RAD51B: variants seen among roughly 807,000 people sequenced by gnomAD.
RAD51B encodes the protein DNA repair protein RAD51 homolog 2.
Under a neutral mutation model 42.2 loss-of-function variants are expected in RAD51B, and 38 were observed. The observed-to-expected ratio is 0.90, with a 90% confidence interval of 0.70 to 1.18. The LOEUF (loss-of-function observed/expected upper bound fraction) is 1.18, where lower values mean the gene tolerates loss of function less well. Among genes scored for constraint, RAD51B ranks in the 50% most tolerant of loss-of-function variants. The pLI, the probability that RAD51B is intolerant of heterozygous loss-of-function variation, is 0.00. For synonymous variants in RAD51B, 154 were observed against 145.2 expected (o/e 1.06, Z -0.43); for missense variants, 373 against 400.7 (o/e 0.93, Z 0.59).
chr14:68,077,086 G>A (rs1309042540), intron 7 of RAD51B, among the ~76,000 whole-genome samples: 1 of 152,180 alleles, frequency 6.6e-6, no homozygotes, highest in Non-Finnish European at 1.5e-5. Context: ...TCATATAACA[G>A]CAACAGGGTT....
In RAD51B at chr14:68,465,951, A is replaced by AAAATAAAT. The variant is rs201431600; in HGVS notation, c.958-2184_958-2177dup. 4.3e-4 allele frequency among the ~76,000 whole-genome samples: 39 copies of AAAATAAAT among 90,464 alleles called. 1 individual carries two copies. The highest frequency in any genetic ancestry group is 5.6e-4 in the Non-Finnish European group (20 of 35,764). The allele number at this position is 90,464 out of a possible 152,430, so 59.3% of individuals were successfully genotyped here. ...GCTAGACTCTGTCTCAAAAAAAAAA[A>AAAATAAAT]AAATAAATAAATAAATAAATAAATA... On this transcript the variant is annotated intron_variant, in intron 9 of 10. Coordinates refer to ENST00000471583, the MANE Select transcript of RAD51B (RefSeq NM_133510.4).
At chr14:68,526,898 G>T (rs945938284) in intron 10 of RAD51B, among the ~76,000 whole-genome samples, 1 of 152,174 alleles carries the variant, frequency 6.6e-6, no homozygotes, top group Non-Finnish European at 1.5e-5. Flanking sequence ...GCTTGCTTTG[G>T]ACAGAGGCCA....
intron 9 of RAD51B, among the ~76,000 whole-genome samples, chr14:68,426,038 T>C (rs1480023849): frequency 6.7e-6 from 1 of 149,940 alleles, no homozygotes; most frequent in Admixed American, 6.7e-5. Flanking sequence ...CTCTCTTTCT[T>C]TCTCTCTTTC....
At chr14:68,579,113 C>A (rs1398610881) in intron 10 of RAD51B, among the ~76,000 whole-genome samples, 2 of 152,164 alleles carry the variant, frequency 1.3e-5, no homozygotes, top group Non-Finnish European at 2.9e-5. Flanking sequence ...GGTGACGACA[C>A]CACCAATTTT....
At chr14:68,463,352 A>G (rs1170780446) in intron 9 of RAD51B, among the ~76,000 whole-genome samples, 2 of 152,236 alleles carry the variant, frequency 1.3e-5, no homozygotes, top group Admixed American at 6.5e-5. Flanking sequence ...ACTAGTATAT[A>G]ATACTATAGA....
chr14:68,024,609 G>C (rs1161502374), intron 7 of RAD51B, among the ~76,000 whole-genome samples: 1 of 152,008 alleles, frequency 6.6e-6, no homozygotes, highest in Non-Finnish European at 1.5e-5. Context: ...ATTGTAAATG[G>C]GATTGTGTTC....
At chr14:67,998,804 T>C (rs1307570298) in intron 7 of RAD51B, among the ~76,000 whole-genome samples, 1 of 152,210 alleles carries the variant, frequency 6.6e-6, no homozygotes, top group Non-Finnish European at 1.5e-5. Flanking sequence ...CACAGTCTTA[T>C]ATGAGTACTG....
intron 8 of RAD51B, among the ~76,000 whole-genome samples, chr14:68,338,413 A>C (rs115109155): frequency 6.6e-6 from 1 of 152,128 alleles, no homozygotes; most frequent in Non-Finnish European, 1.5e-5. Flanking sequence ...ATGGCCAAAC[A>C]TGGTGCATCC....
At chr14:67,934,806 T>C (rs1377145174) in intron 7 of RAD51B, among the ~76,000 whole-genome samples, 2 of 152,158 alleles carry the variant, frequency 1.3e-5, no homozygotes, top group Non-Finnish European at 2.9e-5. Flanking sequence ...CTGACTCTTA[T>C]TGATGGGGGG....
chr14:68,087,891 A>T (rs913799267), intron 7 of RAD51B, among the ~76,000 whole-genome samples: 3 of 91,470 alleles, frequency 3.3e-5, no homozygotes, highest in African/African-American at 5.5e-5. Context: ...TAATTATATA[A>T]TATATTATTT....
intron 10 of RAD51B, among the ~76,000 whole-genome samples, chr14:68,589,355 C>T (rs183940156): frequency 7.6e-4 from 115 of 152,310 alleles, no homozygotes; most frequent in Admixed American, 3.7e-3. Flanking sequence ...ACCCTCCCTT[C>T]CCCCGCCTTC....
intron 9 of RAD51B, among the ~76,000 whole-genome samples, chr14:68,451,996 A>G (rs1033105281): frequency 6.6e-6 from 1 of 152,204 alleles, no homozygotes; most frequent in Non-Finnish European, 1.5e-5. Flanking sequence ...ACACAGCCAT[A>G]GTCTTCCTTC....
At chr14:67,891,876 G>A (rs1435139974) in intron 7 of RAD51B, among the ~76,000 whole-genome samples, 2 of 151,990 alleles carry the variant, frequency 1.3e-5, no homozygotes, top group Non-Finnish European at 2.9e-5. Flanking sequence ...ACCCAAATTC[G>A]ACATTTATTT....
chr14:68,037,690 T>C (rs1221499288), intron 7 of RAD51B, among the ~76,000 whole-genome samples: 3 of 152,240 alleles, frequency 2.0e-5, no homozygotes, highest in Non-Finnish European at 2.9e-5. Flanking sequence ...AAATCTTCCG[T>C]GTGCCTCCAA....
At chr14:68,598,621 G>A (rs942524866), downstream of RAD51B, among the ~76,000 whole-genome samples, 9 of 152,106 alleles carry the variant, frequency 5.9e-5, no homozygotes, top group African/African-American at 1.4e-4. Context: ...CTGAGTCCAC[G>A]GGCCCCTTCA....
intron 8 of RAD51B, among the ~76,000 whole-genome samples, chr14:68,306,882 G>A (rs939835109): frequency 1.3e-5 from 2 of 152,214 alleles, no homozygotes; most frequent in Admixed American, 6.5e-5. Flanking sequence ...CTAGAAAGAC[G>A]AGGAGACTCA....
intron 7 of RAD51B, among the ~76,000 whole-genome samples, chr14:68,085,423 C>T (rs1049989664): frequency 6.6e-6 from 1 of 151,880 alleles, no homozygotes; most frequent in Non-Finnish European, 1.5e-5. Context: ...TTTCAAGGGA[C>T]TGAAGAGAGG....
chr14:67,911,229 C>T (rs1238084554), intron 7 of RAD51B, among the ~76,000 whole-genome samples: 1 of 152,130 alleles, frequency 6.6e-6, no homozygotes, highest in Non-Finnish European at 1.5e-5. Flanking sequence ...TATGTATTTT[C>T]TTATTAAGTC....
intron 8 of RAD51B, among the ~76,000 whole-genome samples, chr14:68,392,977 C>T (rs1161884835): frequency 2.0e-5 from 3 of 152,156 alleles, no homozygotes; most frequent in Non-Finnish European, 2.9e-5. Context: ...TCCAGTTCTG[C>T]CTCTGCTTTG....
Sources: gnomAD v4.1 joint callset for allele counts (sites outside exome capture counted in the v4.1 genomes callset) on GRCh38, gnomAD v4.1.1 for gene constraint, MANE v1.5 for transcripts, NCBI Gene and HGNC (gene_info 2026-07-23, HGNC 2026-07-21) for gene names.